STPG2: variants seen among roughly 807,000 people sequenced by gnomAD.
The protein encoded by STPG2 is sperm-tail PG-rich repeat-containing protein 2.
Under a neutral mutation model 54.2 loss-of-function variants are expected in STPG2, and 56 were observed. That is an observed-to-expected ratio of 1.03 (90% CI 0.83 to 1.29). The LOEUF (loss-of-function observed/expected upper bound fraction) is 1.29. Among genes scored for constraint, STPG2 ranks in the 50% most tolerant of loss-of-function variants. The pLI, the probability that STPG2 is intolerant of heterozygous loss-of-function variation, is 0.00. For missense variants in STPG2, 596 were observed against 544.9 expected (o/e 1.09, Z -0.93); for synonymous variants, 200 against 181.8 (o/e 1.10, Z -0.81).
intron 5 of STPG2, among the ~76,000 whole-genome samples, chr4:98,096,112 G>A (rs1442014673): frequency 1.6e-4 from 24 of 152,050 alleles, no homozygotes; most frequent in Non-Finnish European, 2.9e-5. Context: ...ATCTTGAAAT[G>A]GGCTGAGCAT....
At chr4:97,788,669 T>C (rs1383275248) in intron 9 of STPG2, among the ~76,000 whole-genome samples, 1 of 152,184 alleles carries the variant, frequency 6.6e-6, no homozygotes, top group East Asian at 1.9e-4. Context: ...CCATAGTAGC[T>C]ATACTAATTT....
At chr4:97,800,290 GT>G (rs1296133353) in intron 9 of STPG2, among the ~76,000 whole-genome samples, 2 of 152,138 alleles carry the variant, frequency 1.3e-5, no homozygotes, top group African/African-American at 4.8e-5. Context: ...TCTCTGCTCT[GT>G]TTTTTTCCCC....
chr4:97,919,016 G>T (rs2149207334), intron 8 of STPG2, among the ~76,000 whole-genome samples: 1 of 152,222 alleles, frequency 6.6e-6, no homozygotes, highest in African/African-American at 2.4e-5. Context: ...AATTGAGTAT[G>T]CTCTACTTCA....
chr4:97,448,904 A>G (rs576586734), intron 4 of STPG2, among the ~76,000 whole-genome samples: 3 of 152,306 alleles, frequency 2.0e-5, no homozygotes, highest in East Asian at 3.9e-4. Context: ...GATATTAAAA[A>G]AAGAATAGCA....
intron 10 of STPG2, among the ~76,000 whole-genome samples, chr4:97,695,767 G>T (rs1318002002): frequency 6.9e-6 from 1 of 145,604 alleles, no homozygotes; most frequent in African/African-American, 2.5e-5. Context: ...AAAAAAAAAA[G>T]AAACTACTTA....
chr4:97,461,890 T>C (rs1729673220), intron 4 of STPG2, among the ~76,000 whole-genome samples: 1 of 152,226 alleles, frequency 6.6e-6, no homozygotes, highest in Non-Finnish European at 1.5e-5. Flanking sequence ...CTCTTCTCTG[T>C]GTCATGCCCT....
chr4:97,752,415 G>A (rs1725604690), intron 9 of STPG2, among the ~76,000 whole-genome samples: 1 of 151,592 alleles, frequency 6.6e-6, no homozygotes, highest in Non-Finnish European at 1.5e-5. Flanking sequence ...GTTAGATTTA[G>A]GAAGAGAAAC....
At chr4:97,501,336 G>T (rs1476620919) in intron 4 of STPG2, among the ~76,000 whole-genome samples, 1 of 151,612 alleles carries the variant, frequency 6.6e-6, no homozygotes, top group Non-Finnish European at 1.5e-5. Context: ...TAGCATACAT[G>T]AACTATGTAA....
At chr4:98,067,785 T>C (rs899436362) in intron 5 of STPG2, among the ~76,000 whole-genome samples, 1 of 152,180 alleles carries the variant, frequency 6.6e-6, no homozygotes, top group Non-Finnish European at 1.5e-5. Flanking sequence ...TAAACATGTA[T>C]CTTTAAACTT....
chr4:97,857,189 G>C (rs1382098751), intron 8 of STPG2, among the ~76,000 whole-genome samples: 2 of 152,168 alleles, frequency 1.3e-5, no homozygotes, highest in Admixed American at 1.3e-4. Flanking sequence ...AGTTAGACAG[G>C]AGTCTCTTCT....
intron 10 of STPG2, among the ~76,000 whole-genome samples, chr4:97,700,775 C>T (rs142574599): frequency 6.6e-6 from 1 of 152,352 alleles, no homozygotes; most frequent in African/African-American, 2.4e-5. Context: ...ATAATGCTGG[C>T]CTTGCCAGCT....
intron 5 of STPG2, among the ~76,000 whole-genome samples, chr4:98,011,240 T>C (rs1015248725): frequency 6.6e-6 from 1 of 152,164 alleles, no homozygotes; most frequent in African/African-American, 2.4e-5. Context: ...GTTAGTTTAA[T>C]GAAGATGATG....
chr4:97,578,514 G>A (rs185131699), intron 10 of STPG2, among the ~76,000 whole-genome samples: 8 of 151,978 alleles, frequency 5.3e-5, no homozygotes, highest in Admixed American at 1.3e-4. Flanking sequence ...GGTAGATAAC[G>A]TCAGAATTGA....
intron 9 of STPG2, among the ~76,000 whole-genome samples, chr4:97,829,304 C>T (rs1256024946): frequency 6.6e-6 from 1 of 152,138 alleles, no homozygotes; most frequent in East Asian, 1.9e-4. Context: ...AGAAAACTAA[C>T]AAACAGAAAG....
intron 9 of STPG2, among the ~76,000 whole-genome samples, chr4:97,819,654 G>A (rs1252387577): frequency 6.6e-6 from 1 of 151,382 alleles, no homozygotes; most frequent in African/African-American, 2.4e-5. Flanking sequence ...AACATCAACT[G>A]TTTTTCTTCA....
chr4:97,981,231 C>G lies in STPG2; in HGVS notation c.700G>C (p.Gly234Arg). 3 of 1,613,904 alleles carry G rather than the reference C, an allele frequency of 1.9e-6. No homozygotes were observed. Among genetic ancestry groups the G allele is most frequent in the Non-Finnish European group, 8.5e-7 (1 of 1,179,944 alleles). Residue 234 changes from glycine (G) to arginine (R), a missense_variant, in exon 6 of 11, where the codon GGA becomes CGA. Physicochemically the swap from Gly to Arg is moderately radical, Grantham distance 125. Transcript: ENST00000295268. The part of the protein sequence containing the change: ...TALKSLKKTS[G>R]LKNIPFGQSA... ...TGACCAAATGGAATATTTTTCAGTC[C>G]TGATGTTTTCTTCAAAGACTTGAGA...
intron 9 of STPG2, among the ~76,000 whole-genome samples, chr4:97,814,997 C>T (rs1261283988): frequency 1.3e-5 from 2 of 152,072 alleles, no homozygotes; most frequent in African/African-American, 4.8e-5. Context: ...TATTACTGTG[C>T]CTTGTTATTA....
intron 10 of STPG2, among the ~76,000 whole-genome samples, chr4:97,682,737 C>A (rs1022076333): frequency 1.3e-5 from 2 of 151,698 alleles, no homozygotes; most frequent in African/African-American, 2.4e-5. Flanking sequence ...GCCATATAAA[C>A]CTTAAGTAAC....
chr4:97,602,612 C>A (rs1232791416), intron 10 of STPG2, among the ~76,000 whole-genome samples: 1 of 151,562 alleles, frequency 6.6e-6, no homozygotes, highest in Non-Finnish European at 1.5e-5. Flanking sequence ...CACTGATTTC[C>A]TAGGAATTTT....
Sources: allele counts gnomAD v4.1 joint callset (sites outside exome capture counted in the v4.1 genomes callset), GRCh38; gene constraint gnomAD v4.1.1; transcripts MANE v1.5; gene names NCBI Gene and HGNC (gene_info 2026-07-23, HGNC 2026-07-21).